The following MAGI1 variants were observed in gnomAD, a reference collection of about 807,000 sequenced individuals.
The protein encoded by MAGI1 is membrane-associated guanylate kinase, WW and PDZ domain-containing protein 1.
MAGI1 carries 58 observed loss-of-function variants against 139.9 expected under a neutral mutation model. The ratio of observed to expected loss-of-function variants is 0.41; its 90% CI spans 0.34 to 0.52. The LOEUF is 0.52. Among genes scored for constraint, MAGI1 ranks in the 20% least tolerant of loss-of-function variants. The pLI, the probability that MAGI1 is intolerant of heterozygous loss-of-function variation, is 0.12. For missense variants in MAGI1, 1,874 were observed against 1,901.6 expected (o/e 0.99, Z 0.27); for synonymous variants, 812 against 737.9 (o/e 1.10, Z -1.63).
chr3:66,002,527 G>C (rs1476542904), intron 1 of MAGI1, among the ~76,000 whole-genome samples: 1 of 151,578 alleles, frequency 6.6e-6, no homozygotes, highest in African/African-American at 2.4e-5. Flanking sequence ...TTCTTTTTTT[G>C]TTTTTTGGGG....
intron 17 of MAGI1, among the ~76,000 whole-genome samples, chr3:65,377,328 C>T (rs1942631469): frequency 6.6e-6 from 1 of 152,164 alleles, no homozygotes; most frequent in South Asian, 2.1e-4. Context: ...AGTTGATCTC[C>T]AAGGACAATT....
chr3:65,928,949 G>A (rs2062658887), intron 1 of MAGI1, among the ~76,000 whole-genome samples: 1 of 152,014 alleles, frequency 6.6e-6, no homozygotes, highest in Admixed American at 6.6e-5. Context: ...ATAATGGGTG[G>A]GCAGGACATA....
chr3:65,582,242 T>C (rs959850666), intron 2 of MAGI1, among the ~76,000 whole-genome samples: 8 of 152,154 alleles, frequency 5.3e-5, no homozygotes, highest in Non-Finnish European at 1.2e-4. Flanking sequence ...AAGCATGCAA[T>C]ATTTAGTGAA....
chr3:65,424,789 C>G (rs1431186278), intron 12 of MAGI1, among the ~76,000 whole-genome samples: 3 of 152,058 alleles, frequency 2.0e-5, no homozygotes, highest in Non-Finnish European at 4.4e-5. Flanking sequence ...ACTTATAGGT[C>G]AAAGAATCAA....
At chr3:65,518,920 A>G (rs1049883558) in intron 2 of MAGI1, among the ~76,000 whole-genome samples, 9 of 152,300 alleles carry the variant, frequency 5.9e-5, no homozygotes, top group African/African-American at 2.2e-4. Flanking sequence ...GAAATTTTCA[A>G]TGGTAGAAGT....
At chr3:65,457,437 A>C (rs1348828739) in intron 5 of MAGI1, among the ~76,000 whole-genome samples, 1 of 152,170 alleles carries the variant, frequency 6.6e-6, no homozygotes, top group Non-Finnish European at 1.5e-5. Flanking sequence ...AATTTACTAT[A>C]AAAATTCATG....
chr3:65,675,703 C>T (rs77987733), intron 1 of MAGI1, among the ~76,000 whole-genome samples: 2,770 of 152,240 alleles, frequency 0.018, 74 homozygotes, highest in African/African-American at 0.062. Context: ...TGAATTTCAA[C>T]GATGTAAGCT....
At chr3:65,949,708 C>G (rs1176112944) in intron 1 of MAGI1, among the ~76,000 whole-genome samples, 1 of 152,178 alleles carries the variant, frequency 6.6e-6, no homozygotes, top group Non-Finnish European at 1.5e-5. Context: ...CCACATCTAT[C>G]TAAATTCCCA....
intron 1 of MAGI1, among the ~76,000 whole-genome samples, chr3:65,979,873 T>C (rs931555727): frequency 6.6e-6 from 1 of 152,160 alleles, no homozygotes; most frequent in South Asian, 2.1e-4. Flanking sequence ...CTCAGCAATA[T>C]TCCAATATTA....
intron 2 of MAGI1, among the ~76,000 whole-genome samples, chr3:65,588,438 C>T (rs1414931006): frequency 6.6e-6 from 1 of 152,172 alleles, no homozygotes; most frequent in Non-Finnish European, 1.5e-5. Context: ...TGACAAACTA[C>T]TCCCCATATG....
chr3:65,591,741 G>A (rs905917992), intron 2 of MAGI1, among the ~76,000 whole-genome samples: 2 of 152,056 alleles, frequency 1.3e-5, no homozygotes, highest in Admixed American at 6.5e-5. Flanking sequence ...CTGCCACTCC[G>A]GCCTCCTTGC....
In MAGI1 at chr3:65,657,229, T is replaced by C. The variant is rs562458367; in HGVS notation, c.314-35141A>G. Among the ~76,000 whole-genome samples the C allele has an allele frequency of 2.6e-5, 4 of 152,054 alleles. No homozygotes were observed. The East Asian group carries it at 5.8e-4, about 22-fold the overall frequency. ...TAAGTAAGTGTCTTACCCAAGGAGA[T>C]ACAATAAGTGTGGCACTGGGATTCA... On this transcript the variant is annotated intron_variant, in intron 1 of 22. Coordinates refer to ENST00000402939, the MANE Select transcript of MAGI1 (RefSeq NM_001033057.2).
intron 1 of MAGI1, among the ~76,000 whole-genome samples, chr3:65,624,362 A>T (rs1028203373): frequency 4.6e-5 from 7 of 152,186 alleles, no homozygotes; most frequent in Non-Finnish European, 5.9e-5. Flanking sequence ...CAAAAATTGG[A>T]AACAACCCAA....
At chr3:65,722,235 G>A (rs776566951) in intron 1 of MAGI1, among the ~76,000 whole-genome samples, 1 of 152,130 alleles carries the variant, frequency 6.6e-6, no homozygotes, top group African/African-American at 2.4e-5. Flanking sequence ...CACCACAGTT[G>A]ATTTGTCACT....
chr3:65,822,466 C>G (rs1189086866), intron 1 of MAGI1, among the ~76,000 whole-genome samples: 1 of 151,830 alleles, frequency 6.6e-6, no homozygotes, highest in Non-Finnish European at 1.5e-5. Flanking sequence ...AGGCGGAGGT[C>G]GCAGTGAGTT....
intron 1 of MAGI1, among the ~76,000 whole-genome samples, chr3:65,872,301 G>A (rs577158563): frequency 6.6e-6 from 1 of 152,320 alleles, no homozygotes; most frequent in South Asian, 2.1e-4. Flanking sequence ...AAATGGCAGA[G>A]CTAGAATTTG....
At chr3:65,676,688 C>CA (rs1385584605) in intron 1 of MAGI1, among the ~76,000 whole-genome samples, 2 of 152,102 alleles carry the variant, frequency 1.3e-5, no homozygotes, top group Non-Finnish European at 2.9e-5. Context: ...CTAAGCAGTG[C>CA]AAAAAATTCT....
chr3:65,408,295 A>G (rs1945514162), intron 12 of MAGI1, among the ~76,000 whole-genome samples: 1 of 152,230 alleles, frequency 6.6e-6, no homozygotes. Flanking sequence ...TGCATTGCTT[A>G]CTTCGCCTTC....
At chr3:65,590,518 A>T (rs983425680) in intron 2 of MAGI1, among the ~76,000 whole-genome samples, 1 of 152,182 alleles carries the variant, frequency 6.6e-6, no homozygotes, top group Non-Finnish European at 1.5e-5. Flanking sequence ...AACTTGTCCA[A>T]ATGTCAGAAT....
Sources: gnomAD v4.1 joint callset for allele counts (sites outside exome capture counted in the v4.1 genomes callset) on GRCh38, gnomAD v4.1.1 for gene constraint, MANE v1.5 for transcripts, NCBI Gene and HGNC (gene_info 2026-07-23, HGNC 2026-07-21) for gene names.